Variants in PTPRM observed in about 807,000 individuals in gnomAD.
PTPRM encodes protein tyrosine phosphatase receptor type M.
In PTPRM, 47 loss-of-function variants were observed where a neutral mutation model predicts 186.7. The observed-to-expected ratio is 0.25, with a 90% CI of 0.20 to 0.32. PTPRM has a LOEUF of 0.32. Ranked by LOEUF, PTPRM falls within the 10% of genes least tolerant of loss-of-function variation. The probability of loss-of-function intolerance (pLI) is 1.00; values close to 1 mark genes in which losing one functional copy is unlikely to be tolerated. For missense variants in PTPRM, 1,494 were observed against 1,865.0 expected, an observed-to-expected ratio of 0.80 and a Z score of 3.66; for synonymous variants, 668 against 674.9, an observed-to-expected ratio of 0.99 and a Z score of 0.16.
At chr18:8,389,127 C>T (rs16953436) in intron 31 of PTPRM, among the ~76,000 whole-genome samples, 8,418 of 152,094 alleles carry the variant, frequency 0.055, 785 homozygotes, top group African/African-American at 0.19. Flanking sequence ...CATTGTAGTT[C>T]GTTTGTATTA....
chr18:7,794,498 T>G lies in PTPRM; in HGVS notation c.196+20227T>G, dbSNP rs75988846. 1.3e-3 allele frequency among the ~76,000 whole-genome samples: 191 copies of G among 152,240 alleles called. 1 individual carries two copies. The highest frequency in any genetic ancestry group is 4.3e-3 in the African/African-American group (179 of 41,546). ...TGAGTTCCACCTGGGTATGTCGTGG[T>G]GTGAGGGTGAGGACAAGAGGACCAT... On this transcript the variant is annotated intron_variant, in intron 2 of 32. Coordinates refer to ENST00000580170, the MANE Select transcript of PTPRM (RefSeq NM_001105244.2).
chr18:7,793,693 T>C (rs2048288369), intron 2 of PTPRM, among the ~76,000 whole-genome samples: 1 of 151,926 alleles, frequency 6.6e-6, no homozygotes. Flanking sequence ...GGGAAGGGTG[T>C]GGTCACTGGA....
rs370769923 is a variant in PTPRM, at chr18:8,394,519, G to A, written c.4252G>A (p.Val1418Ile). The change falls in exon 32 of 33, where the codon GTA becomes ATA. Residue 1418 changes from valine (V) to isoleucine (I), a missense_variant. Physicochemically the swap from Val to Ile is conservative, Grantham distance 29 (BLOSUM62 3). Coordinates refer to ENST00000580170, the MANE Select transcript of PTPRM (RefSeq NM_001105244.2). Reference protein sequence around the residue: ...RSGTFCAISIVCEMLRHQRTV... With the variant: ...RSGTFCAISIICEMLRHQRTV... ...TGGGACGTTCTGCGCCATCAGCATC[G>A]TATGTGAGATGCTCCGGCACCAGAG... 5.0e-6 allele frequency: 8 copies of A among 1,613,522 alleles called. No homozygotes were observed. In the Admixed American group the frequency reaches 5.0e-5, roughly 10 times the overall value.
At chr18:7,838,402 G>A (rs967056007) in intron 2 of PTPRM, among the ~76,000 whole-genome samples, 1 of 152,178 alleles carries the variant, frequency 6.6e-6, no homozygotes, top group Non-Finnish European at 1.5e-5. Flanking sequence ...TGAGGACACA[G>A]CCAAATGATA....
chr18:8,132,905 G>A (rs1008243042), intron 13 of PTPRM, among the ~76,000 whole-genome samples: 3 of 152,098 alleles, frequency 2.0e-5, no homozygotes, highest in Non-Finnish European at 4.4e-5. Flanking sequence ...TAAGGATTTT[G>A]TCTTAGTCTG....
chr18:8,114,959 A>G (rs555917417), intron 13 of PTPRM, 132 bp downstream of exon 13: 24 of 631,390 alleles, frequency 3.8e-5, no homozygotes, highest in African/African-American at 3.7e-4. Flanking sequence ...ATATATATAT[A>G]TGCATGAATG....
At position 7,776,303 on chromosome 18, in the gene PTPRM, A is replaced by G. The variant is rs577005496; in HGVS notation, c.196+2032A>G. Among the ~76,000 whole-genome samples, 29 of 152,246 alleles carry G rather than the reference A, an allele frequency of 1.9e-4. No homozygotes were observed. The South Asian group carries it at 3.5e-3, about 19-fold the overall frequency. Reference sequence around the variant, plus strand: ...AGGTGTGTTTTGGACCCTCACCCCCAAACAGATTGCAACTCATTGTTTGGA... The same window carrying G: ...AGGTGTGTTTTGGACCCTCACCCCCGAACAGATTGCAACTCATTGTTTGGA... On this transcript the variant is annotated intron_variant, in intron 2 of 32. Transcript: ENST00000580170.
intron 1 of PTPRM, among the ~76,000 whole-genome samples, chr18:7,726,563 A>T (rs1462809482): frequency 6.6e-6 from 1 of 152,148 alleles, no homozygotes; most frequent in African/African-American, 2.4e-5. Context: ...TGAGTGGTGT[A>T]TCTTTACCTC....
intron 13 of PTPRM, among the ~76,000 whole-genome samples, chr18:8,138,272 C>A (rs2092684405): frequency 6.6e-6 from 1 of 151,530 alleles, no homozygotes; most frequent in African/African-American, 2.4e-5. Context: ...CGGCCCAGGG[C>A]TCTGCATGCT....
intron 11 of PTPRM, among the ~76,000 whole-genome samples, chr18:8,095,853 G>A (rs998517771): frequency 8.0e-4 from 122 of 152,170 alleles, no homozygotes; most frequent in African/African-American, 2.7e-3. Context: ...ATACTAGAAC[G>A]CTTGAAATTG....
chr18:7,674,662 T>C (rs1296699585), intron 1 of PTPRM, among the ~76,000 whole-genome samples: 1 of 152,200 alleles, frequency 6.6e-6, no homozygotes, highest in African/African-American at 2.4e-5. Flanking sequence ...GGGCAGCCCA[T>C]AATGTGTGGA....
intron 14 of PTPRM, among the ~76,000 whole-genome samples, chr18:8,155,349 T>C (rs563034149): frequency 6.6e-6 from 1 of 152,210 alleles, no homozygotes; most frequent in Non-Finnish European, 1.5e-5. Context: ...ATAGTAATAT[T>C]CCTGTCTCAG....
intron 1 of PTPRM, among the ~76,000 whole-genome samples, chr18:7,659,564 C>G (rs1182361066): frequency 6.6e-6 from 1 of 152,184 alleles, no homozygotes; most frequent in African/African-American, 2.4e-5. Flanking sequence ...ACTGACATTC[C>G]AGCACCTACT....
chr18:8,069,509 A>G (rs545817424), intron 7 of PTPRM, among the ~76,000 whole-genome samples, 177 bp from the exon 8 acceptor site: 6 of 152,346 alleles, frequency 3.9e-5, no homozygotes, highest in African/African-American at 1.2e-4. Flanking sequence ...AATAATGGAA[A>G]CTTTCATCTT....
intron 2 of PTPRM, among the ~76,000 whole-genome samples, chr18:7,819,031 G>T (rs1470632453): frequency 3.9e-5 from 6 of 152,200 alleles, no homozygotes; most frequent in African/African-American, 1.4e-4. Flanking sequence ...TGAGGAAAGG[G>T]TATTATTCTT....
intron 1 of PTPRM, among the ~76,000 whole-genome samples, chr18:7,583,911 C>G (rs993711685): frequency 2.0e-5 from 3 of 152,096 alleles, no homozygotes; most frequent in African/African-American, 7.2e-5. Flanking sequence ...GTGGGAGGCC[C>G]TAGGAGACTG....
At chr18:7,650,920 T>A (rs2038686347) in intron 1 of PTPRM, among the ~76,000 whole-genome samples, 1 of 147,826 alleles carries the variant, frequency 6.8e-6, no homozygotes, top group African/African-American at 2.6e-5. Context: ...GACAATAAGA[T>A]AAGAGAAATA....
intron 1 of PTPRM, among the ~76,000 whole-genome samples, chr18:7,638,243 T>C (rs981816767): frequency 1.3e-5 from 2 of 152,192 alleles, no homozygotes; most frequent in Non-Finnish European, 2.9e-5. Context: ...TGAGAAAGCA[T>C]TATATCTGTA....
chr18:8,076,572 A>G lies in PTPRM; in HGVS notation c.1551+8A>G. 1.4e-6 allele frequency: 2 copies of G among 1,393,710 alleles called. No individual in the cohort carries two copies. The highest frequency in any genetic ancestry group is 1.4e-5 in the African/African-American group (1 of 70,084). 86.3% of individuals were successfully genotyped at this position (1,393,710 alleles called of 1,614,324 possible). Reference sequence around the variant, plus strand: ...GTAATCACTTTATATGAGGTAATATATATGTTTGTTAGTAATTTTTAATTA... The same window carrying G: ...GTAATCACTTTATATGAGGTAATATGTATGTTTGTTAGTAATTTTTAATTA... On this transcript the variant is annotated splice_region_variant and intron_variant, in intron 9 of 32. Coordinates refer to ENST00000580170, the MANE Select transcript of PTPRM (RefSeq NM_001105244.2).
Sources: allele counts gnomAD v4.1 joint callset (sites outside exome capture counted in the v4.1 genomes callset), GRCh38; gene constraint gnomAD v4.1.1; transcripts MANE v1.5; gene names NCBI Gene and HGNC (gene_info 2026-07-23, HGNC 2026-07-21).